The following SPEF2 variants were observed in gnomAD, a reference collection of about 807,000 sequenced individuals.
SPEF2 encodes sperm flagellar and cilia associated 2.
Under a neutral mutation model 224.6 loss-of-function variants are expected in SPEF2, and 187 were observed. The ratio of observed to expected loss-of-function variants is 0.83; its 90% CI spans 0.74 to 0.94. The LOEUF (loss-of-function observed/expected upper bound fraction) is 0.94. SPEF2 is among the 40% of genes least tolerant of loss of function. The pLI is 0.00. For synonymous variants in SPEF2, 715 were observed against 707.3 expected (o/e 1.01, Z -0.17); for missense variants, 2,170 against 2,135.6 (o/e 1.02, Z -0.32).
At chr5:35,674,571 C>T (rs1302807054) in intron 10 of SPEF2, among the ~76,000 whole-genome samples, 1 of 135,458 alleles carries the variant, frequency 7.4e-6, no homozygotes, top group Non-Finnish European at 1.5e-5. Flanking sequence ...TGTTCCCCTT[C>T]CTTTGTCCAT....
chr5:35,772,950 A>G (rs1262576463), intron 27 of SPEF2, among the ~76,000 whole-genome samples: 1 of 152,212 alleles, frequency 6.6e-6, no homozygotes, highest in Non-Finnish European at 1.5e-5. Flanking sequence ...AAATAGAGCT[A>G]TGTAAATGGG....
intron 23 of SPEF2, among the ~76,000 whole-genome samples, chr5:35,744,991 G>T (rs1748254345): frequency 6.6e-6 from 1 of 152,184 alleles, no homozygotes. Context: ...TGCGGCAGTG[G>T]GAAAGGGAGA....
At chr5:35,700,400 AT>A in intron 15 of SPEF2, 95 bp from the exon 16 acceptor site, 1 of 1,107,698 alleles carries the variant, frequency 9.0e-7, no homozygotes, top group African/African-American at 1.6e-5. Context: ...GTAGGAAGTT[AT>A]TGTGGAATTG....
At position 35,667,393 on chromosome 5, in the gene SPEF2, G is replaced by A. The variant is rs372303134; in HGVS notation, c.1355+134G>A. The A allele has an allele frequency of 4.3e-4, 327 of 767,864 alleles. No homozygotes were observed. The African/African-American group carries it at 4.8e-3, about 11-fold the overall frequency. The allele number at this position is 767,864 out of a possible 1,614,324, so 47.6% of individuals were successfully genotyped here. A position where few individuals can be genotyped will look rare whatever the true frequency, so the allele number is the denominator to read the frequency against. On this transcript the variant is annotated intron_variant, in intron 9 of 36. Coordinates refer to ENST00000356031, the MANE Select transcript of SPEF2 (RefSeq NM_024867.4). ...TGAAAAGACTAAAAGGTGGGGTCCA[G>A]GAGACCTTGATTACTGACTTGATTT... is the stretch of plus-strand genomic sequence containing the variant.
intron 15 of SPEF2, chr5:35,699,473 C>G (rs1221453187): frequency 6.6e-6 from 1 of 152,200 alleles, no homozygotes; most frequent in Non-Finnish European, 1.5e-5. Context: ...TATAATCTAA[C>G]TGAGATTTTA....
chr5:35,655,775 T>G, intron 7 of SPEF2, among the ~76,000 whole-genome samples: 1 of 152,206 alleles, frequency 6.6e-6, no homozygotes, highest in South Asian at 2.1e-4. Flanking sequence ...GGCCAAATTA[T>G]GATGAGCCTT....
intron 1 of SPEF2, among the ~76,000 whole-genome samples, chr5:35,622,441 G>A (rs1422878281): frequency 6.6e-6 from 1 of 152,126 alleles, no homozygotes; most frequent in African/African-American, 2.4e-5. Flanking sequence ...TTATGGAATC[G>A]TATAACTTTA....
intron 2 of SPEF2, among the ~76,000 whole-genome samples, chr5:35,633,901 A>T (rs1432097705): frequency 6.6e-6 from 1 of 152,080 alleles, no homozygotes; most frequent in Non-Finnish European, 1.5e-5. Flanking sequence ...TAGTAAAGAA[A>T]AAAATTTGCT....
chr5:35,808,769 T>C (rs1008748028), intron 36 of SPEF2, among the ~76,000 whole-genome samples: 3 of 147,850 alleles, frequency 2.0e-5, no homozygotes, highest in African/African-American at 7.4e-5. Flanking sequence ...TGTATATATA[T>C]ACACACATAT....
chr5:35,642,407 G>T (rs1580088963), intron 3 of SPEF2, among the ~76,000 whole-genome samples: 1 of 152,168 alleles, frequency 6.6e-6, no homozygotes, highest in South Asian at 2.1e-4. Context: ...CACACGGGTA[G>T]TCCCAGTTCT....
At chr5:35,720,484 G>C (rs1743435799) in intron 20 of SPEF2, among the ~76,000 whole-genome samples, 2 of 152,148 alleles carry the variant, frequency 1.3e-5, no homozygotes, top group Admixed American at 6.5e-5. Flanking sequence ...GAGAGCATCT[G>C]TTAAAATTCT....
intron 30 of SPEF2, among the ~76,000 whole-genome samples, chr5:35,785,848 T>A (rs1755038142): frequency 1.3e-5 from 2 of 151,096 alleles, no homozygotes; most frequent in Admixed American, 1.3e-4. Flanking sequence ...TGAGCTACCA[T>A]GCTCCCTCAA....
chr5:35,641,561 T>C lies in SPEF2; in HGVS notation c.292T>C (p.Tyr98His). The change falls in exon 3 of 37, where the codon TAT (tyrosine) becomes CAT (histidine). Residue 98 changes from tyrosine to histidine, a missense_variant. Coordinates refer to ENST00000356031, the MANE Select transcript of SPEF2 (RefSeq NM_024867.4). ...GCCTGGGGTGGCAACAAAGCTGTTA[T>C]ATCAATTGTACATTGCTCTTCAGAA... ...EKPGVATKLL[Y>H]QLYIALQKKK... 6.2e-7 allele frequency: 1 copy of C among 1,613,842 alleles called. No individual in the cohort carries two copies. Among genetic ancestry groups the C allele is most frequent in the Non-Finnish European group, 8.5e-7 (1 of 1,179,828 alleles).
intron 10 of SPEF2, chr5:35,671,695 T>G (rs369547165): frequency 4.8e-6 from 1 of 210,128 alleles, no homozygotes; most frequent in African/African-American, 2.4e-5. Flanking sequence ...GATTTTTGTC[T>G]CTTTAGCTAT....
Position 35,727,073 on chromosome 5 carries a change from T to A in SPEF2, c.2915-602T>A, listed in dbSNP as rs550651680. On this transcript the variant is annotated intron_variant, in intron 20 of 36. Transcript: ENST00000356031. ...TCATGACTTGATTCTGCCAGGCTTA[T>A]GCCACAGCAACTACCTTCATCTTTA... 6.6e-5 allele frequency among the ~76,000 whole-genome samples: 10 copies of A among 151,008 alleles called. No homozygotes were observed. In the East Asian group the frequency reaches 2.0e-3, roughly 30 times the overall value.
intron 21 of SPEF2, 142 bp downstream of exon 21, chr5:35,727,965 A>G (rs944171171): frequency 2.5e-6 from 2 of 803,228 alleles, no homozygotes; most frequent in Non-Finnish European, 3.7e-6. Context: ...TTTAGAGACT[A>G]CTCAATGACC....
In SPEF2 at chr5:35,759,734, T is replaced by G. The variant is rs1209060127; in HGVS notation, c.3620+15T>G. ...AGCCAGCTTAGGTAAGGCAGGCTAT[T>G]ATATCACACTGTAATTGTTTTGAAC... On this transcript the variant is annotated intron_variant, in intron 25 of 36. Coordinates refer to ENST00000356031, the MANE Select transcript of SPEF2 (RefSeq NM_024867.4). The G allele has an allele frequency of 6.5e-7, 1 of 1,528,222 alleles. No homozygotes were observed. The highest frequency in any genetic ancestry group is 1.4e-5 in the African/African-American group (1 of 73,238). 94.7% of individuals were successfully genotyped at this position (1,528,222 alleles called of 1,614,324 possible). A position where few individuals can be genotyped will look rare whatever the true frequency, so the allele number is the denominator to read the frequency against.
At chr5:35,654,432 C>T in intron 6 of SPEF2, 108 bp from the exon 7 acceptor site, 1 of 814,034 alleles carries the variant, frequency 1.2e-6, no homozygotes, top group Non-Finnish European at 1.8e-6. Flanking sequence ...AATAAATTAA[C>T]AGTGAACTCA....
chr5:35,755,238 G>A (rs184345099), intron 24 of SPEF2, among the ~76,000 whole-genome samples: 48 of 152,364 alleles, frequency 3.2e-4, no homozygotes, highest in Admixed American at 3.1e-3. Flanking sequence ...AAAGATTAAA[G>A]TGAGATGCCT....
Sources: gnomAD v4.1 joint callset for allele counts (sites outside exome capture counted in the v4.1 genomes callset) on GRCh38, gnomAD v4.1.1 for gene constraint, MANE v1.5 for transcripts, NCBI Gene and HGNC (gene_info 2026-07-23, HGNC 2026-07-21) for gene names.